Variants in GPR158 observed in about 807,000 individuals in gnomAD.
The protein encoded by GPR158 is G protein-coupled receptor 158, also known as metabotropic glycine receptor.
GPR158 carries 30 observed loss-of-function variants against 78.2 expected under a neutral mutation model. The ratio of observed to expected loss-of-function variants is 0.38; its 90% CI spans 0.29 to 0.52. The LOEUF is 0.52. Ranked by LOEUF, GPR158 falls within the 20% of genes least tolerant of loss-of-function variation. The probability of loss-of-function intolerance (pLI) is 0.83; values close to 1 mark genes in which losing one functional copy is unlikely to be tolerated. For synonymous variants in GPR158, 581 were observed against 591.1 expected (o/e 0.98, Z 0.25); for missense variants, 1,463 against 1,523.5 (o/e 0.96, Z 0.66).
chr10:25,484,888 G>A (rs1052346924), intron 5 of GPR158, among the ~76,000 whole-genome samples: 1 of 152,050 alleles, frequency 6.6e-6, no homozygotes, highest in Non-Finnish European at 1.5e-5. Context: ...TTAATTAAAA[G>A]GCTAACAATC....
intron 2 of GPR158, among the ~76,000 whole-genome samples, chr10:25,290,716 T>G (rs1307105772): frequency 6.6e-6 from 1 of 152,114 alleles, no homozygotes; most frequent in Non-Finnish European, 1.5e-5. Context: ...TGGAGTAGTT[T>G]CTTATATTTA....
rs114918410 is a variant in GPR158 at position 25,244,349 on chromosome 10, C to T, written c.1008+23192C>T. The stretch of plus-strand genomic sequence containing the variant: ...GCCTAAGGCAGGAGCCACCTTAGGA[C>T]AGGAGCCACTGCCTTTTCTTTATAG... On this transcript the variant is annotated intron_variant, in intron 2 of 10. Transcript: ENST00000376351. Among the ~76,000 whole-genome samples the T allele has an allele frequency of 2.8e-3, 428 of 152,314 alleles. 3 individuals are homozygous for T. The highest frequency in any genetic ancestry group is 0.01 in the African/African-American group (417 of 41,572).
chr10:25,414,868 T>G (rs1357101987), intron 4 of GPR158, among the ~76,000 whole-genome samples: 1 of 152,120 alleles, frequency 6.6e-6, no homozygotes, highest in Non-Finnish European at 1.5e-5. Flanking sequence ...GCATTACAGT[T>G]GTGGGTAAGT....
At chr10:25,295,536 C>A (rs1218468455) in intron 2 of GPR158, among the ~76,000 whole-genome samples, 2 of 152,174 alleles carry the variant, frequency 1.3e-5, no homozygotes, top group South Asian at 4.1e-4. Flanking sequence ...GCCTCAGCCT[C>A]CCGAGTAGCT....
At chr10:25,381,396 A>G (rs1375771170) in intron 2 of GPR158, among the ~76,000 whole-genome samples, 1 of 152,188 alleles carries the variant, frequency 6.6e-6, no homozygotes. Context: ...GGTAGTAACT[A>G]GAAGTGAATT....
chr10:25,251,103 A>G (rs1237409208), intron 2 of GPR158, among the ~76,000 whole-genome samples: 1 of 152,078 alleles, frequency 6.6e-6, no homozygotes, highest in Non-Finnish European at 1.5e-5. Context: ...TTGTTGGTTT[A>G]AAGTCTGTTT....
intron 2 of GPR158, among the ~76,000 whole-genome samples, chr10:25,376,856 T>C (rs1409259977): frequency 6.6e-6 from 1 of 151,630 alleles, no homozygotes; most frequent in Non-Finnish European, 1.5e-5. Context: ...AGGAGTCAGC[T>C]ATATATTTTT....
At chr10:25,387,611 G>C (rs1210515841) in intron 2 of GPR158, among the ~76,000 whole-genome samples, 1 of 151,476 alleles carries the variant, frequency 6.6e-6, no homozygotes, top group African/African-American at 2.4e-5. Context: ...CGCCTCCTGG[G>C]TTCAAGTGAT....
At chr10:25,292,328 T>C (rs1854450954) in intron 2 of GPR158, among the ~76,000 whole-genome samples, 1 of 152,144 alleles carries the variant, frequency 6.6e-6, no homozygotes, top group Non-Finnish European at 1.5e-5. Context: ...TAGATTAATA[T>C]TTCTGTTTAC....
At chr10:25,429,071 C>A (rs193264334) in intron 4 of GPR158, among the ~76,000 whole-genome samples, 1 of 152,114 alleles carries the variant, frequency 6.6e-6, no homozygotes, top group Admixed American at 6.5e-5. Context: ...TATTAACATT[C>A]AGGGTTTCTA....
At position 25,375,640 on chromosome 10, in the gene GPR158, T is replaced by C. The variant is rs373722798; in HGVS notation, c.1009-20271T>C. ...TATCAAATAGCTCCAGTACCATTTG[T>C]TGAAAAAGTGATCCTTTTTCCGCTT... On this transcript the variant is annotated intron_variant, in intron 2 of 10. Transcript: ENST00000376351. 1.7e-4 allele frequency among the ~76,000 whole-genome samples: 26 copies of C among 151,728 alleles called. No individual in the cohort carries two copies. In the East Asian group the frequency reaches 4.5e-3, roughly 26 times the overall value.
chr10:25,309,503 T>C (rs898529425), intron 2 of GPR158, among the ~76,000 whole-genome samples: 1 of 152,178 alleles, frequency 6.6e-6, no homozygotes, highest in Non-Finnish European at 1.5e-5. Context: ...TTCCTTTACA[T>C]TCTGTTGATA....
chr10:25,184,910 A>G (rs751667496), intron 1 of GPR158, among the ~76,000 whole-genome samples: 2 of 152,212 alleles, frequency 1.3e-5, no homozygotes, highest in Admixed American at 6.5e-5. Context: ...TTGATGCCTC[A>G]GACCGCTATG....
At chr10:25,399,793 T>C (rs1311078086) in intron 3 of GPR158, among the ~76,000 whole-genome samples, 1 of 152,208 alleles carries the variant, frequency 6.6e-6, no homozygotes. Flanking sequence ...TATAAGAGAA[T>C]ATATTGCATG....
At chr10:25,394,590 A>G (rs1403337820) in intron 2 of GPR158, among the ~76,000 whole-genome samples, 2 of 152,116 alleles carry the variant, frequency 1.3e-5, no homozygotes, top group East Asian at 1.9e-4. Context: ...TACTCTTGCT[A>G]TTTTATTTTG....
intron 2 of GPR158, among the ~76,000 whole-genome samples, chr10:25,336,213 A>G (rs1855204233): frequency 6.6e-6 from 1 of 152,084 alleles, no homozygotes; most frequent in Non-Finnish European, 1.5e-5. Context: ...GACACAAAAT[A>G]TGGATAAATC....
intron 5 of GPR158, among the ~76,000 whole-genome samples, chr10:25,485,070 G>A (rs540087180): frequency 1.7e-4 from 26 of 151,658 alleles, no homozygotes; most frequent in Non-Finnish European, 3.7e-4. Context: ...AAGAATATGC[G>A]AAATACCTAG....
chr10:25,517,315 A>C (rs1319709175), intron 5 of GPR158, among the ~76,000 whole-genome samples: 2 of 151,936 alleles, frequency 1.3e-5, no homozygotes, highest in South Asian at 2.1e-4. Context: ...TGTCGTCTGC[A>C]AACAGGGACA....
intron 7 of GPR158, among the ~76,000 whole-genome samples, chr10:25,578,239 C>T (rs1837132766): frequency 6.6e-6 from 1 of 152,216 alleles, no homozygotes; most frequent in Non-Finnish European, 1.5e-5. Flanking sequence ...TAGCTACGTG[C>T]TCCTCAGCAA....
Sources: allele counts gnomAD v4.1 joint callset (sites outside exome capture counted in the v4.1 genomes callset), GRCh38; gene constraint gnomAD v4.1.1; transcripts MANE v1.5; gene names NCBI Gene and HGNC (gene_info 2026-07-23, HGNC 2026-07-21).